Variants in UTP20 observed in about 807,000 individuals in gnomAD.
The protein encoded by UTP20 is UTP20 small subunit processome component.
In UTP20, 164 loss-of-function variants were observed where a neutral mutation model predicts 329.5. That is an observed-to-expected ratio of 0.50 (90% confidence interval 0.44 to 0.57). The LOEUF (loss-of-function observed/expected upper bound fraction) is 0.57, where lower values mean the gene tolerates loss of function less well. UTP20 is among the 20% of genes least tolerant of loss of function. UTP20 has a pLI of 0.00. For missense variants in UTP20, 3,055 were observed against 3,284.2 expected (o/e 0.93, Z 1.71); for synonymous variants, 1,151 against 1,159.3 (o/e 0.99, Z 0.14).
chr12:101,312,117 G>A lies in UTP20; in HGVS notation c.2393G>A (p.Gly798Glu), dbSNP rs1872811555. 6.2e-7 allele frequency: 1 copy of A among 1,614,218 alleles called. No homozygotes were observed. Residue 798 changes from glycine to glutamate, a missense_variant, in exon 21 of 62, where the codon GGA becomes GAA. Gly to Glu is a moderately conservative substitution (Grantham distance 98). This residue lies in a region of UTP20 where 2,445 missense variants were observed against 2,575.5 expected (regional missense o/e 0.95). Transcript: ENST00000261637. ...GAGCAGACCCAGGAAGGAGATGTTG[G>A]AGCTCTTTATCATGAGCAGTTAGCA... Reference protein sequence around the residue: ...SWEQTQEGDVGALYHEQLALK... With the variant: ...SWEQTQEGDVEALYHEQLALK...
Position 101,375,658 on chromosome 12 carries a change from G to A in UTP20, c.7298G>A (p.Arg2433His), listed in dbSNP as rs147796377. 149 of 1,611,224 alleles carry A rather than the reference G, an allele frequency of 9.2e-5. 2 individuals carry two copies. In the East Asian group the frequency reaches 2.5e-3, roughly 27 times the overall value. Residue 2433 changes from arginine (R) to histidine (H), a missense_variant, in exon 56 of 62, where the codon CGC becomes CAC. Physicochemically the swap from Arg to His is conservative, Grantham distance 29. Around this residue, in one of 3 missense-constraint regions of UTP20, gnomAD observed 273 missense variants for 363.1 expected, o/e 0.75. Coordinates refer to ENST00000261637, the MANE Select transcript of UTP20 (RefSeq NM_014503.3). ...GAAACTGAAGAAAAAGCTGCAGATC[G>A]CCTTCTGTTTAGTTTTCTTACACTG... ...MEETEEKAADRLLFSFLTLIT... is the reference protein window; with the variant it reads ...MEETEEKAADHLLFSFLTLIT...
intron 60 of UTP20, among the ~76,000 whole-genome samples, chr12:101,384,268 G>A (rs116846538): frequency 1.1e-3 from 162 of 152,298 alleles, no homozygotes; most frequent in Middle Eastern, 3.4e-3. Flanking sequence ...TAGGCTGGGC[G>A]TAGTGGCTCA....
chr12:101,340,861 T>C (rs1267543383), intron 32 of UTP20, among the ~76,000 whole-genome samples: 3 of 151,106 alleles, frequency 2.0e-5, no homozygotes, highest in Non-Finnish European at 4.4e-5. Flanking sequence ...TTTATTTCCC[T>C]TGTTTAGCTT....
At chr12:101,365,111 T>TGTGTGTGTGTG (rs1593450361) in intron 45 of UTP20, among the ~76,000 whole-genome samples, 8 of 151,026 alleles carry the variant, frequency 5.3e-5, no homozygotes, top group African/African-American at 1.2e-4. Context: ...TGTGTGTGTG[T>TGTGTGTGTGTG]TTGCCTCTAA....
chr12:101,348,739 G>GGTGGT (rs1869415030), intron 38 of UTP20, among the ~76,000 whole-genome samples: 1 of 97,318 alleles, frequency 1.0e-5, no homozygotes, highest in Admixed American at 1.3e-4. Context: ...GTTTTTGGTG[G>GGTGGT]TTTTTTTTTT....
intron 26 of UTP20, among the ~76,000 whole-genome samples, chr12:101,328,591 A>C (rs929945954): frequency 1.3e-5 from 2 of 152,174 alleles, no homozygotes; most frequent in Non-Finnish European, 2.9e-5. Flanking sequence ...ATGGAGGACC[A>C]GGCATAGTGG....
Position 101,286,474 on chromosome 12 carries a change from G to C in UTP20, c.480G>C (p.Trp160Cys), listed in dbSNP as rs1231883081. 3 of 1,613,250 alleles carry C rather than the reference G, an allele frequency of 1.9e-6. No homozygotes were observed. The East Asian group carries it at 6.7e-5, about 36-fold the overall frequency. Residue 160 changes from tryptophan (W) to cysteine (C), a missense_variant, in exon 5 of 62, where the codon TGG becomes TGC. Trp to Cys is a radical substitution (Grantham distance 215, BLOSUM62 -2). Around this residue, in one of 3 missense-constraint regions of UTP20, gnomAD observed 2,445 missense variants for 2,575.5 expected, o/e 0.95. Coordinates refer to ENST00000261637, the MANE Select transcript of UTP20 (RefSeq NM_014503.3). ...TATCATATCTTTATAAGTACCTGTG[G>C]AGACTGATGGTGAAGGACATGTCCA... Reference protein sequence around the residue: ...TSLSYLYKYLWRLMVKDMSSI... With the variant: ...TSLSYLYKYLCRLMVKDMSSI...
chr12:101,322,100 G>C (rs945474904), intron 25 of UTP20, among the ~76,000 whole-genome samples: 2 of 151,950 alleles, frequency 1.3e-5, no homozygotes, highest in Admixed American at 1.3e-4. Flanking sequence ...AGCTATTCTT[G>C]TGCCTCAGCC....
chr12:101,298,781 G>T (rs11110742), intron 12 of UTP20, among the ~76,000 whole-genome samples: 197 of 152,024 alleles, frequency 1.3e-3, no homozygotes, highest in African/African-American at 4.5e-3. Flanking sequence ...AATTAACTTA[G>T]TTATCTATCA....
intron 22 of UTP20, among the ~76,000 whole-genome samples, chr12:101,319,212 C>T (rs1565792649): frequency 2.0e-5 from 3 of 152,156 alleles, no homozygotes; most frequent in Admixed American, 6.5e-5. Flanking sequence ...AGAACCTAGA[C>T]AAGGAATAAT....
At chr12:101,283,570 C>T (rs187769141) in intron 2 of UTP20, among the ~76,000 whole-genome samples, 1 of 152,266 alleles carries the variant, frequency 6.6e-6, no homozygotes, top group African/African-American at 2.4e-5. Flanking sequence ...GTCTCTCACA[C>T]ATAGCTGACA....
rs35483128 is a variant in UTP20 at position 101,318,831 on chromosome 12, G to GAAA, written c.2739-697_2739-695dup. On this transcript the variant is annotated intron_variant, in intron 22 of 61. Coordinates refer to ENST00000261637, the MANE Select transcript of UTP20 (RefSeq NM_014503.3). The stretch of plus-strand genomic sequence containing the variant: ...GGGCCACAGATTGAGACTCCATCTT[G>GAAA]AAAAAAAAAAAAAAAAAAAGACCCA... Among the ~76,000 whole-genome samples the GAAA allele has an allele frequency of 5.3e-4, 52 of 97,662 alleles. 1 individual carries two copies. Among genetic ancestry groups the GAAA allele is most frequent in the East Asian group, 3.1e-3 (10 of 3,252 alleles). The allele number at this position is 97,662 out of a possible 152,430, so 64.1% of individuals were successfully genotyped here.
chr12:101,339,686 GTTA>G (rs762266282), intron 31 of UTP20, among the ~76,000 whole-genome samples: 2 of 152,286 alleles, frequency 1.3e-5, no homozygotes, highest in South Asian at 2.1e-4. Context: ...CACAAGGGTT[GTTA>G]AAGAGTCTGT....
At chr12:101,377,521 A>G (rs560228888) in intron 56 of UTP20, among the ~76,000 whole-genome samples, 3 of 152,028 alleles carry the variant, frequency 2.0e-5, no homozygotes, top group Admixed American at 1.3e-4. Context: ...TAGTAGAGAC[A>G]GGTTTTCACC....
At chr12:101,302,422 G>C (rs755585293) in intron 14 of UTP20, 26 bp from the exon 15 acceptor site, 1 of 1,349,642 alleles carries the variant, frequency 7.4e-7, no homozygotes, top group Non-Finnish European at 1.1e-6. Context: ...TAAGTAATGT[G>C]GTTTCTCCTG....
chr12:101,294,544 T>TC (rs1185106808), intron 11 of UTP20, among the ~76,000 whole-genome samples: 1 of 148,654 alleles, frequency 6.7e-6, no homozygotes, highest in Non-Finnish European at 1.5e-5. Context: ...CGTTTTTCTT[T>TC]TTTTTTTTTT....
At position 101,374,305 on chromosome 12, in the gene UTP20, G is replaced by A. The variant is rs148478070; in HGVS notation, c.7132-503G>A. Among the ~76,000 whole-genome samples, 1,283 of 152,120 alleles carry A rather than the reference G, an allele frequency of 8.4e-3. 17 individuals carry two copies. Among genetic ancestry groups the A allele is most frequent in the African/African-American group, 0.03 (1,236 of 41,538 alleles). On this transcript the variant is annotated intron_variant, in intron 54 of 61. Transcript: ENST00000261637. Reference sequence around the variant, plus strand: ...TTCCTACTATGTTATTGTTAGGAAAGTATTCCACTACATGAATGTAACATA... The same window carrying A: ...TTCCTACTATGTTATTGTTAGGAAAATATTCCACTACATGAATGTAACATA...
At chr12:101,378,442 G>A (rs1870542954) in intron 56 of UTP20, among the ~76,000 whole-genome samples, 1 of 151,912 alleles carries the variant, frequency 6.6e-6, no homozygotes, top group Non-Finnish European at 1.5e-5. Context: ...TGTAACTGTT[G>A]GCCAGGCACA....
rs1593425343 is a variant in UTP20, at chr12:101,306,688, A to C, written c.1933-11A>C. 1.3e-6 allele frequency: 2 copies of C among 1,599,182 alleles called. No homozygotes were observed. Among genetic ancestry groups the C allele is most frequent in the Non-Finnish European group, 1.7e-6 (2 of 1,173,478 alleles). Reference sequence around the variant, plus strand: ...CTTTGGAATTTGAAAGATGCCTTTTACTTTCTCCAGATTCGGCTTTTGACA... The same window carrying C: ...CTTTGGAATTTGAAAGATGCCTTTTCCTTTCTCCAGATTCGGCTTTTGACA... On this transcript the variant is annotated splice_polypyrimidine_tract_variant and intron_variant, in intron 16 of 61. Coordinates refer to ENST00000261637, the MANE Select transcript of UTP20 (RefSeq NM_014503.3).
Sources: allele counts gnomAD v4.1 joint callset (sites outside exome capture counted in the v4.1 genomes callset), GRCh38; gene constraint gnomAD v4.1.1; regional missense constraint gnomAD v4.1.1; transcripts MANE v1.5; gene names NCBI Gene and HGNC (gene_info 2026-07-23, HGNC 2026-07-21).